GALNTL6: variants seen among roughly 807,000 people sequenced by gnomAD.
GALNTL6 encodes the protein polypeptide N-acetylgalactosaminyltransferase-like 6.
A neutral mutation model predicts 73.7 loss-of-function variants in GALNTL6; 46 were observed. That is an observed-to-expected ratio of 0.62 (90% CI 0.49 to 0.80). GALNTL6 has a LOEUF of 0.80. Ranked by LOEUF, GALNTL6 falls within the 30% of genes least tolerant of loss-of-function variation. The pLI is 0.00. For missense variants in GALNTL6, 604 were observed against 755.0 expected, an observed-to-expected ratio of 0.80 and a Z score of 2.34; for synonymous variants, 259 against 263.7, an observed-to-expected ratio of 0.98 and a Z score of 0.17.
At chr4:172,489,477 G>T (rs1733820232) in intron 5 of GALNTL6, among the ~76,000 whole-genome samples, 1 of 152,236 alleles carries the variant, frequency 6.6e-6, no homozygotes, top group Admixed American at 6.5e-5. Context: ...ATAGGTGATT[G>T]AAATGATAGA....
intron 2 of GALNTL6, among the ~76,000 whole-genome samples, chr4:171,901,454 A>G (rs78386650): frequency 0.036 from 5,532 of 152,224 alleles, 310 homozygotes; most frequent in African/African-American, 0.12. Flanking sequence ...AACAGCAGGG[A>G]AACAATTACA....
At chr4:172,191,257 C>A (rs577064298) in intron 2 of GALNTL6, among the ~76,000 whole-genome samples, 1 of 152,300 alleles carries the variant, frequency 6.6e-6, no homozygotes, top group South Asian at 2.1e-4. Flanking sequence ...CTATGTCATC[C>A]ATTTCTGACC....
At chr4:172,602,493 GGT>G (rs1738097545) in intron 5 of GALNTL6, among the ~76,000 whole-genome samples, 1 of 56,250 alleles carries the variant, frequency 1.8e-5, no homozygotes, top group Non-Finnish European at 4.8e-5. Context: ...ATTTAAATTA[GGT>G]TTAAATTATT....
At chr4:172,113,579 G>A (rs949024542) in intron 2 of GALNTL6, among the ~76,000 whole-genome samples, 13 of 152,104 alleles carry the variant, frequency 8.5e-5, no homozygotes, top group African/African-American at 2.6e-4. Flanking sequence ...CCCCAACACT[G>A]TGAATGCTGC....
chr4:172,924,211 T>C (rs1579660617), intron 8 of GALNTL6, among the ~76,000 whole-genome samples: 2 of 152,146 alleles, frequency 1.3e-5, no homozygotes, highest in South Asian at 4.1e-4. Context: ...TCTTTCACAA[T>C]GTCCTGTCCC....
chr4:172,627,100 T>A (rs981495820), intron 5 of GALNTL6, among the ~76,000 whole-genome samples: 2 of 152,122 alleles, frequency 1.3e-5, no homozygotes, highest in African/African-American at 4.8e-5. Flanking sequence ...GATTCCAGCT[T>A]TTGTCCATTC....
chr4:172,295,388 C>G (rs1400076582), intron 3 of GALNTL6, among the ~76,000 whole-genome samples: 1 of 149,320 alleles, frequency 6.7e-6, no homozygotes, highest in Non-Finnish European at 1.5e-5. Context: ...CACCACTGCA[C>G]TCGAGCCTGG....
intron 8 of GALNTL6, among the ~76,000 whole-genome samples, chr4:172,896,371 A>G (rs1220759471): frequency 2.0e-5 from 3 of 152,218 alleles, no homozygotes; most frequent in Non-Finnish European, 4.4e-5. Flanking sequence ...AAGCCCAGGC[A>G]TTCTACAAGT....
intron 5 of GALNTL6, among the ~76,000 whole-genome samples, chr4:172,630,839 A>G (rs1739365109): frequency 6.6e-6 from 1 of 150,538 alleles, no homozygotes; most frequent in Non-Finnish European, 1.5e-5. Context: ...GCTTTGTGGA[A>G]AAGCATATAT....
At position 172,390,198 on chromosome 4, in the gene GALNTL6, G is replaced by T. The variant is rs562244531; in HGVS notation, c.553+41509G>T. ...CCTATTGTTTAATATTTTAAAAATT[G>T]ACTTATTTTTCAAACGTTGTAATCT... On this transcript the variant is annotated intron_variant, in intron 5 of 12. Coordinates refer to ENST00000506823, the MANE Select transcript of GALNTL6 (RefSeq NM_001034845.3). Among the ~76,000 whole-genome samples the T allele has an allele frequency of 3.3e-5, 5 of 152,034 alleles. No individual in the cohort carries two copies. The South Asian group carries it at 1.0e-3, about 32-fold the overall frequency.
At chr4:172,409,915 C>A (rs1349303341) in intron 5 of GALNTL6, among the ~76,000 whole-genome samples, 1 of 151,890 alleles carries the variant, frequency 6.6e-6, no homozygotes, top group East Asian at 1.9e-4. Flanking sequence ...GTGTTAGATA[C>A]TTTTTGTAGA....
chr4:172,133,968 GTTTT>G (rs1203221300), intron 2 of GALNTL6, among the ~76,000 whole-genome samples: 2 of 152,160 alleles, frequency 1.3e-5, no homozygotes, highest in Admixed American at 1.3e-4. Context: ...CATATTGAGT[GTTTT>G]GTTTGTATGA....
rs75746377 is a variant in GALNTL6, at chr4:172,079,302, T to A, written c.139-150354T>A. Among the ~76,000 whole-genome samples the A allele has an allele frequency of 3.7e-3, 558 of 152,198 alleles. 3 individuals are homozygous for A. The highest frequency in any genetic ancestry group is 0.013 in the African/African-American group (537 of 41,564). On this transcript the variant is annotated intron_variant, in intron 2 of 12. Coordinates refer to ENST00000506823, the MANE Select transcript of GALNTL6 (RefSeq NM_001034845.3). ...TAGATAATGTAGATTTGGATAATCATTTTATTAGTTTTACAGTATTTCCTG... is the reference window on the plus strand; with the variant it reads ...TAGATAATGTAGATTTGGATAATCAATTTATTAGTTTTACAGTATTTCCTG...
intron 2 of GALNTL6, among the ~76,000 whole-genome samples, chr4:172,167,982 A>AAAAAG (rs1560950787): frequency 6.8e-6 from 1 of 146,742 alleles, no homozygotes; most frequent in African/African-American, 2.5e-5. Flanking sequence ...AAAAAAAAAA[A>AAAAAG]AAAGAAACAT....
At chr4:172,786,938 G>T (rs1739692789) in intron 5 of GALNTL6, among the ~76,000 whole-genome samples, 1 of 152,136 alleles carries the variant, frequency 6.6e-6, no homozygotes, top group Admixed American at 6.5e-5. Flanking sequence ...AGTTTGAATT[G>T]TTCCCCTGAA....
At chr4:172,168,725 T>C (rs1024781690) in intron 2 of GALNTL6, among the ~76,000 whole-genome samples, 19 of 152,112 alleles carry the variant, frequency 1.2e-4, no homozygotes, top group African/African-American at 4.3e-4. Context: ...ATGGTGACGG[T>C]CAAGAAGATG....
At chr4:172,689,836 T>C (rs1733157368) in intron 5 of GALNTL6, among the ~76,000 whole-genome samples, 1 of 152,168 alleles carries the variant, frequency 6.6e-6, no homozygotes, top group Non-Finnish European at 1.5e-5. Context: ...ACATAGTGTT[T>C]TTAGTGTTAA....
intron 2 of GALNTL6, among the ~76,000 whole-genome samples, chr4:172,016,596 GA>G (rs1320392052): frequency 6.6e-6 from 1 of 151,872 alleles, no homozygotes; most frequent in Admixed American, 6.6e-5. Context: ...TCTTCATTTG[GA>G]TCCATTGCTA....
chr4:172,738,148 A>G (rs1736579409), intron 5 of GALNTL6, among the ~76,000 whole-genome samples: 1 of 152,232 alleles, frequency 6.6e-6, no homozygotes, highest in African/African-American at 2.4e-5. Context: ...TGGTGAACCC[A>G]AGAAAATGGG....
Sources: allele counts gnomAD v4.1 joint callset (sites outside exome capture counted in the v4.1 genomes callset), GRCh38; gene constraint gnomAD v4.1.1; transcripts MANE v1.5; gene names NCBI Gene and HGNC (gene_info 2026-07-23, HGNC 2026-07-21).